The following AKAP13 variants were observed in gnomAD, a reference collection of about 807,000 sequenced individuals.
AKAP13 encodes the protein A-kinase anchoring protein 13, also known as A-kinase anchor protein 13.
AKAP13 carries 80 observed loss-of-function variants against 264.5 expected under a neutral mutation model. That is an observed-to-expected ratio of 0.30 (90% CI 0.25 to 0.36). The LOEUF (loss-of-function observed/expected upper bound fraction) is 0.36, where lower values mean the gene tolerates loss of function less well. Among genes scored for constraint, AKAP13 ranks in the 10% least tolerant of loss-of-function variants. The probability of loss-of-function intolerance (pLI) is 1.00; values close to 1 mark genes in which losing one functional copy is unlikely to be tolerated. For missense variants in AKAP13, 3,712 were observed against 3,435.2 expected, an observed-to-expected ratio of 1.08 and a Z score of -2.01; for synonymous variants, 1,380 against 1,250.2, an observed-to-expected ratio of 1.10 and a Z score of -2.19.
chr15:85,677,297 C>T (rs761457277), intron 14 of AKAP13, among the ~76,000 whole-genome samples: 28 of 152,254 alleles, frequency 1.8e-4, no homozygotes, highest in Non-Finnish European at 3.8e-4. Context: ...ATAGTACTAA[C>T]GCTGAGCTAC....
chr15:85,636,751 A>G (rs1052954327), intron 8 of AKAP13, among the ~76,000 whole-genome samples: 1 of 151,946 alleles, frequency 6.6e-6, no homozygotes, highest in African/African-American at 2.4e-5. Context: ...AGTAGCTGGG[A>G]TTACAGAGAC....
chr15:85,711,950 A>G (rs190664282), intron 19 of AKAP13, among the ~76,000 whole-genome samples: 66 of 152,268 alleles, frequency 4.3e-4, no homozygotes, highest in African/African-American at 1.5e-3. Context: ...CCCTCACCTC[A>G]GATTCCTGAG....
At chr15:85,603,111 C>T (rs1036797691) in intron 8 of AKAP13, among the ~76,000 whole-genome samples, 1 of 152,200 alleles carries the variant, frequency 6.6e-6, no homozygotes, top group Non-Finnish European at 1.5e-5. Context: ...ACCCCAAGTT[C>T]TGAATAACCA....
intron 8 of AKAP13, among the ~76,000 whole-genome samples, chr15:85,630,006 C>A (rs2081631045): frequency 6.6e-6 from 1 of 151,812 alleles, no homozygotes; most frequent in Non-Finnish European, 1.5e-5. Context: ...TCTTGAACTC[C>A]TGAGCTCACA....
chr15:85,704,250 T>C (rs1427054096), intron 17 of AKAP13, among the ~76,000 whole-genome samples: 1 of 152,196 alleles, frequency 6.6e-6, no homozygotes, highest in Non-Finnish European at 1.5e-5. Flanking sequence ...ATGACTCAGC[T>C]CCCAAAGGTG....
rs145901490 is a variant in AKAP13 at position 85,736,421 on chromosome 15, T to TTTTG, written c.7557+316_7557+319dup. ...TCCTTAAGGAAGCCTCTTGCTGTTT[T>TTTTG]TTTGTTTGTTTGTTTGTTTGTTTGT... On this transcript the variant is annotated intron_variant, in intron 33 of 36. Coordinates refer to ENST00000394518, the MANE Select transcript of AKAP13 (RefSeq NM_007200.5). 8.0e-3 allele frequency among the ~76,000 whole-genome samples: 1,155 copies of TTTTG among 143,572 alleles called. 8 individuals are homozygous for TTTTG. Among genetic ancestry groups the TTTTG allele is most frequent in the African/African-American group, 0.022 (903 of 41,068 alleles). 94.2% of individuals were successfully genotyped at this position (143,572 alleles called of 152,430 possible).
Position 85,658,417 on chromosome 15 carries a change from G to C in AKAP13, c.4746-120G>C, listed in dbSNP as rs765853373. ...TCATTCCACATTCCTTCATTCTCTTGCCTGTGCCATTTCTCTTTGAGCAGT... is the reference window on the plus strand; with the variant it reads ...TCATTCCACATTCCTTCATTCTCTTCCCTGTGCCATTTCTCTTTGAGCAGT... On this transcript the variant is annotated intron_variant, in intron 11 of 36. Coordinates refer to ENST00000394518, the MANE Select transcript of AKAP13 (RefSeq NM_007200.5). 9.2e-6 allele frequency: 7 copies of C among 761,284 alleles called. No individual in the cohort carries two copies. In the East Asian group the frequency reaches 1.7e-4, roughly 18 times the overall value. 47.2% of individuals were successfully genotyped at this position (761,284 alleles called of 1,614,324 possible).
At chr15:85,559,654 C>T (rs903188507) in intron 5 of AKAP13, among the ~76,000 whole-genome samples, 2 of 152,032 alleles carry the variant, frequency 1.3e-5, no homozygotes, top group Non-Finnish European at 2.9e-5. Flanking sequence ...CCCTCACATA[C>T]GCAGTTCACG....
intron 1 of AKAP13, among the ~76,000 whole-genome samples, chr15:85,384,886 C>G (rs139788160): frequency 2.3e-4 from 35 of 152,210 alleles, no homozygotes; most frequent in African/African-American, 7.9e-4. Context: ...TCAGACCTTG[C>G]TGTAAGGATG....
chr15:85,557,664 A>G (rs1468933928), intron 5 of AKAP13, among the ~76,000 whole-genome samples: 1 of 151,908 alleles, frequency 6.6e-6, no homozygotes, highest in Non-Finnish European at 1.5e-5. Flanking sequence ...TTGTGTAGAG[A>G]TGAGGTCTTG....
At chr15:85,510,230 C>A (rs561289838) in intron 2 of AKAP13, among the ~76,000 whole-genome samples, 2 of 152,130 alleles carry the variant, frequency 1.3e-5, no homozygotes, top group Non-Finnish European at 2.9e-5. Flanking sequence ...AGAGAGTATG[C>A]GCCTGCTCGA....
chr15:85,616,170 T>C (rs2080928295), intron 8 of AKAP13, among the ~76,000 whole-genome samples: 1 of 152,170 alleles, frequency 6.6e-6, no homozygotes, highest in Admixed American at 6.6e-5. Context: ...GCCTTTGGTG[T>C]TCTGTTTGGG....
chr15:85,551,939 A>C (rs2077973862), intron 5 of AKAP13, among the ~76,000 whole-genome samples: 2 of 152,242 alleles, frequency 1.3e-5, no homozygotes, highest in Non-Finnish European at 2.9e-5. Context: ...TGACTTGAAC[A>C]TTTTACCTGC....
chr15:85,388,098 G>A (rs551963000), intron 1 of AKAP13, among the ~76,000 whole-genome samples: 3 of 151,144 alleles, frequency 2.0e-5, no homozygotes, highest in Non-Finnish European at 4.4e-5. Flanking sequence ...GCAGTGGTGC[G>A]ATCTCAGCTC....
At chr15:85,413,280 T>C (rs566005541) in intron 1 of AKAP13, among the ~76,000 whole-genome samples, 3 of 152,206 alleles carry the variant, frequency 2.0e-5, no homozygotes, top group Non-Finnish European at 4.4e-5. Context: ...TTTCAGAACT[T>C]CAGAACAGAC....
rs1020549723 is a variant in AKAP13, at chr15:85,514,482, T to C, written c.34-6946T>C. ...AACAAGATATTACAGTCTCATCTTA[T>C]AGATACTCTGACCCAGGCCTGGAAT... On this transcript the variant is annotated intron_variant, in intron 2 of 36. Coordinates refer to ENST00000394518, the MANE Select transcript of AKAP13 (RefSeq NM_007200.5). Among the ~76,000 whole-genome samples, 3 of 137,746 alleles carry C rather than the reference T, an allele frequency of 2.2e-5. 1 individual carries two copies. Among genetic ancestry groups the C allele is most frequent in the Admixed American group, 1.5e-4 (2 of 13,720 alleles). 90.4% of individuals were successfully genotyped at this position (137,746 alleles called of 152,430 possible). A position where few individuals can be genotyped will look rare whatever the true frequency, so the allele number is the denominator to read the frequency against.
intron 8 of AKAP13, among the ~76,000 whole-genome samples, chr15:85,603,053 A>G (rs970078034): frequency 6.6e-5 from 10 of 152,226 alleles, no homozygotes; most frequent in African/African-American, 1.9e-4. Flanking sequence ...TTTATCAACT[A>G]TAAATACTGT....
intron 1 of AKAP13, among the ~76,000 whole-genome samples, chr15:85,474,666 A>T (rs935859418): frequency 1.5e-4 from 23 of 152,218 alleles, no homozygotes; most frequent in Non-Finnish European, 8.8e-5. Context: ...GACATATACA[A>T]GTTTTTAATT....
At chr15:85,559,014 G>A (rs1295644560) in intron 5 of AKAP13, among the ~76,000 whole-genome samples, 2 of 149,616 alleles carry the variant, frequency 1.3e-5, no homozygotes, top group East Asian at 2.0e-4. Context: ...TTCTGTCATC[G>A]GTTTGAAATT....
Sources: allele counts gnomAD v4.1 joint callset (sites outside exome capture counted in the v4.1 genomes callset), GRCh38; gene constraint gnomAD v4.1.1; transcripts MANE v1.5; gene names NCBI Gene and HGNC (gene_info 2026-07-23, HGNC 2026-07-21).